The following SEC61A1 variants were observed in gnomAD, a reference collection of about 807,000 sequenced individuals.
SEC61A1 encodes protein transport protein Sec61 subunit alpha isoform 1.
Under a neutral mutation model 55.2 loss-of-function variants are expected in SEC61A1, and 15 were observed. The observed-to-expected ratio is 0.27, with a 90% CI of 0.18 to 0.42. The LOEUF is 0.42. SEC61A1 is among the 10% of genes least tolerant of loss of function. The probability of loss-of-function intolerance (pLI) is 1.00; values close to 1 mark genes in which losing one functional copy is unlikely to be tolerated. For synonymous variants in SEC61A1, 247 were observed against 234.0 expected (o/e 1.06, Z -0.51); for missense variants, 284 against 602.6 (o/e 0.47, Z 5.53).
Position 128,069,684 on chromosome 3 carries a change from A to T in SEC61A1, c.*22A>T. 1 of 1,609,928 alleles carries T rather than the reference A, an allele frequency of 6.2e-7. No homozygotes were observed. The highest frequency in any genetic ancestry group is 8.5e-7 in the Non-Finnish European group (1 of 1,176,794). ...CTGAGCCCGTCTCCCGGACAGGTTG[A>T]GGAAGCTGCTCCAGAAGCGCCTCGG... is the stretch of plus-strand genomic sequence containing the variant. On this transcript the variant is annotated 3_prime_UTR_variant, in exon 12 of 12. Coordinates refer to ENST00000243253, the MANE Select transcript of SEC61A1 (RefSeq NM_013336.4).
At chr3:128,055,621 A>G (rs1386532861) in intron 3 of SEC61A1, 40 bp downstream of exon 3, 1 of 1,608,742 alleles carries the variant, frequency 6.2e-7, no homozygotes, top group African/African-American at 1.3e-5. Flanking sequence ...GAGGGGGATA[A>G]GAGTGGCTGG....
Position 128,052,454 on chromosome 3 carries a change from A to T in SEC61A1, c.-99A>T. The T allele has an allele frequency of 6.2e-6, 9 of 1,462,620 alleles. No individual in the cohort carries two copies. Among genetic ancestry groups the T allele is most frequent in the Non-Finnish European group, 8.1e-6 (9 of 1,105,490 alleles). The allele number at this position is 1,462,620 out of a possible 1,614,324, so 90.6% of individuals were successfully genotyped here. On this transcript the variant is annotated 5_prime_UTR_variant, in exon 1 of 12. Coordinates refer to ENST00000243253, the MANE Select transcript of SEC61A1 (RefSeq NM_013336.4). ...CTAGCACTGACGTGTCTCTCGGCGG[A>T]GCTGCTGTGCAGTGGAACGCGCTGG...
upstream of SEC61A1, chr3:128,051,938 C>T: frequency 1.3e-6 from 2 of 1,507,186 alleles, no homozygotes; most frequent in Non-Finnish European, 8.9e-7. Flanking sequence ...GCGCCCTACT[C>T]AGCAGGTAAT....
chr3:128,058,559 G>T (rs1299605586), intron 5 of SEC61A1, among the ~76,000 whole-genome samples: 2 of 152,096 alleles, frequency 1.3e-5, no homozygotes, highest in Admixed American at 1.3e-4. Flanking sequence ...TAAAAATTAG[G>T]ATTCTAAAAT....
rs1156966755 is a variant in SEC61A1 at position 128,069,815 on chromosome 3, T to A, written c.*153T>A. On this transcript the variant is annotated 3_prime_UTR_variant, in exon 12 of 12. Transcript: ENST00000243253. Reference sequence around the variant, plus strand: ...CCACTGTGTAAAGTGCTAGACATTTTCCAATTTAAAATTTTGCTTTTTATC... The same window carrying A: ...CCACTGTGTAAAGTGCTAGACATTTACCAATTTAAAATTTTGCTTTTTATC... 1.6e-5 allele frequency: 12 copies of A among 730,108 alleles called. No homozygotes were observed. The highest frequency in any genetic ancestry group is 2.6e-5 in the Non-Finnish European group (12 of 461,888). 45.2% of individuals were successfully genotyped at this position (730,108 alleles called of 1,614,324 possible).
At chr3:128,055,142 C>A (rs146882265) in intron 2 of SEC61A1, among the ~76,000 whole-genome samples, 2 of 152,284 alleles carry the variant, frequency 1.3e-5, no homozygotes, top group Non-Finnish European at 2.9e-5. Context: ...TCTATTGTGA[C>A]ATTCTTTGTT....
upstream of SEC61A1, among the ~76,000 whole-genome samples, chr3:128,052,139 C>T (rs575813069): frequency 9.2e-5 from 14 of 152,264 alleles, no homozygotes; most frequent in Admixed American, 2.6e-4. Context: ...TCAGTTTCTC[C>T]GTGAGGCCGC....
At chr3:128,065,732 A>ATTTTTTTTTTTTTTTTTTTTT in intron 8 of SEC61A1, among the ~76,000 whole-genome samples, 1 of 97,508 alleles carries the variant, frequency 1.0e-5, no homozygotes, top group East Asian at 3.0e-4. Flanking sequence ...ATCATTAAGA[A>ATTTTTTTTTTTTTTTTTTTTT]TTTTTTTTTT....
intron 5 of SEC61A1, 83 bp from the exon 6 acceptor site, chr3:128,060,019 G>A: frequency 1.0e-6 from 1 of 974,454 alleles, no homozygotes; most frequent in Non-Finnish European, 1.6e-6. Context: ...CCCCGTGCCT[G>A]GCGTTGAATT....
chr3:128,051,665 C>T (rs1436523051), upstream of SEC61A1: 1 of 1,425,676 alleles, frequency 7.0e-7, no homozygotes, highest in African/African-American at 1.4e-5. Context: ...GCTTTGCCCA[C>T]AACAGTCTCC....
intron 2 of SEC61A1, 145 bp downstream of exon 2, chr3:128,053,047 C>T (rs967061099): frequency 1.6e-6 from 1 of 611,004 alleles, no homozygotes; most frequent in Middle Eastern, 2.9e-4. Context: ...TCTGTTATTC[C>T]GGAGAGCTGT....
chr3:128,055,813 A>AATTAATAGGCTTTGGCTTTAT, intron 4 of SEC61A1, 62 bp downstream of exon 4: 1 of 1,325,140 alleles, frequency 7.5e-7, no homozygotes, highest in South Asian at 1.2e-5. Flanking sequence ...CACTTAGTTA[A>AATTAATAGGCTTTGGCTTTAT]ATTAATAGGC....
Position 128,066,950 on chromosome 3 carries a change from T to C in SEC61A1, c.778-4T>C. 2 of 1,614,144 alleles carry C rather than the reference T, an allele frequency of 1.2e-6. No homozygotes were observed. Among genetic ancestry groups the C allele is most frequent in the Non-Finnish European group, 1.7e-6 (2 of 1,179,998 alleles). ...AGGGGATTTGGTTCTGTTTGGCTTC[T>C]CAGGGCTTCCGAGTGGACCTGCCAA... is the stretch of plus-strand genomic sequence containing the variant. On this transcript the variant is annotated splice_polypyrimidine_tract_variant and splice_region_variant and intron_variant, in intron 8 of 11. Coordinates refer to ENST00000243253, the MANE Select transcript of SEC61A1 (RefSeq NM_013336.4).
chr3:128,065,887 G>A (rs745381450), intron 8 of SEC61A1, among the ~76,000 whole-genome samples: 1 of 151,844 alleles, frequency 6.6e-6, no homozygotes, highest in Non-Finnish European at 1.5e-5. Context: ...GATTACAGGT[G>A]CCTGTCACCA....
intron 11 of SEC61A1, among the ~76,000 whole-genome samples, chr3:128,069,102 G>A (rs1324337690): frequency 6.6e-6 from 1 of 152,136 alleles, no homozygotes; most frequent in Non-Finnish European, 1.5e-5. Flanking sequence ...CATTAAAAAA[G>A]TAAAAAGAAA....
chr3:128,060,706 A>G (rs781462881), intron 7 of SEC61A1, 45 bp downstream of exon 7: 6 of 1,586,060 alleles, frequency 3.8e-6, no homozygotes, highest in Non-Finnish European at 5.2e-6. Flanking sequence ...TTCAGCAAAA[A>G]CAATTGAGCA....
At chr3:128,052,307 C>G (rs566213544), upstream of SEC61A1, 125 of 338,866 alleles carry the variant, frequency 3.7e-4, no homozygotes, top group Non-Finnish European at 5.0e-4. Flanking sequence ...CTTGAGGTCT[C>G]GGCGAAGCGG....
In SEC61A1 at chr3:128,052,494, C is replaced by A; in HGVS notation, c.-59C>A. 6.4e-7 allele frequency: 1 copy of A among 1,569,276 alleles called. No homozygotes were observed. The highest frequency in any genetic ancestry group is 1.4e-5 in the African/African-American group (1 of 73,702). ...GAACGCGCTGGGCCGCGGGCAGCGTCGCCTCACGCGGAGCAGAGCTGAGCT... is the reference window on the plus strand; with the variant it reads ...GAACGCGCTGGGCCGCGGGCAGCGTAGCCTCACGCGGAGCAGAGCTGAGCT... On this transcript the variant is annotated 5_prime_UTR_variant, in exon 1 of 12. Coordinates refer to ENST00000243253, the MANE Select transcript of SEC61A1 (RefSeq NM_013336.4).
At chr3:128,052,980 T>C (rs1486608262) in intron 2 of SEC61A1, 78 bp downstream of exon 2, 1 of 1,137,460 alleles carries the variant, frequency 8.8e-7, no homozygotes. Context: ...TGATTAAAAA[T>C]GGCTTCAGCA....
Sources: gnomAD v4.1 joint callset for allele counts (sites outside exome capture counted in the v4.1 genomes callset) on GRCh38, gnomAD v4.1.1 for gene constraint, MANE v1.5 for transcripts, NCBI Gene and HGNC (gene_info 2026-07-23, HGNC 2026-07-21) for gene names.